Variants in SYN3 observed in about 807,000 individuals in gnomAD.
SYN3 encodes synapsin-3.
A neutral mutation model predicts 65.8 loss-of-function variants in SYN3; 35 were observed. That is an observed-to-expected ratio of 0.53 (90% CI 0.41 to 0.70). SYN3 has a LOEUF of 0.70. Among genes scored for constraint, SYN3 ranks in the 30% least tolerant of loss-of-function variants. The pLI is 0.00. For synonymous variants in SYN3, 270 were observed against 292.9 expected, an observed-to-expected ratio of 0.92 and a Z score of 0.80; for missense variants, 680 against 749.0, an observed-to-expected ratio of 0.91 and a Z score of 1.08.
chr22:32,710,096 CACAT>C (rs1398574899), intron 6 of SYN3, among the ~76,000 whole-genome samples: 24 of 86,030 alleles, frequency 2.8e-4, no homozygotes, highest in East Asian at 6.1e-4. Context: ...CACACACACA[CACAT>C]GTGTGTGTGT....
In SYN3 at chr22:32,801,982, C is replaced by T. The variant is rs752554384; in HGVS notation, c.711+62933G>A. ...TTGGAGAGGCGAGCAGCAGCCCCGG[C>T]AGCGGCGGCAGCAGCGGCAATGACC... On this transcript the variant is annotated intron_variant, in intron 6 of 13. Coordinates refer to ENST00000358763, the MANE Select transcript of SYN3 (RefSeq NM_003490.4). The surrounding 1 kb of genome is among the most constrained non-coding windows in gnomAD (Gnocchi z 4.7). 1.9e-6 allele frequency: 3 copies of T among 1,581,140 alleles called. No homozygotes were observed. The African/African-American group carries it at 4.0e-5, about 21-fold the overall frequency.
chr22:32,973,852 G>T (rs753529202), intron 3 of SYN3, among the ~76,000 whole-genome samples: 1 of 152,182 alleles, frequency 6.6e-6, no homozygotes, highest in Non-Finnish European at 1.5e-5. Context: ...CAGGCTGGAC[G>T]ATCTTCGCCC....
chr22:32,820,294 TGTG>T (rs1411147732), intron 6 of SYN3, among the ~76,000 whole-genome samples: 1 of 151,164 alleles, frequency 6.6e-6, no homozygotes, highest in Non-Finnish European at 1.5e-5. Context: ...GTGTGGTGTG[TGTG>T]GTGTGTGTTC....
At chr22:32,933,404 G>T (rs901014942) in intron 3 of SYN3, among the ~76,000 whole-genome samples, 1 of 152,074 alleles carries the variant, frequency 6.6e-6, no homozygotes, top group African/African-American at 2.4e-5. Flanking sequence ...AAACCCAGGC[G>T]GTGTGGCACC....
intron 3 of SYN3, among the ~76,000 whole-genome samples, chr22:32,966,963 G>T (rs756729185): frequency 3.9e-5 from 6 of 152,164 alleles, no homozygotes; most frequent in Non-Finnish European, 7.4e-5. Flanking sequence ...AGATTCTTCA[G>T]TTAAACTGAC....
intron 2 of SYN3, among the ~76,000 whole-genome samples, chr22:32,989,128 C>T (rs758695428): frequency 4.6e-5 from 7 of 152,322 alleles, no homozygotes; most frequent in Non-Finnish European, 7.3e-5. Context: ...TAAGGAAGTG[C>T]GTGAGCACCA....
intron 3 of SYN3, among the ~76,000 whole-genome samples, chr22:32,958,908 C>A (rs2146873092): frequency 6.6e-6 from 1 of 152,226 alleles, no homozygotes; most frequent in African/African-American, 2.4e-5. Flanking sequence ...GGAATTACTT[C>A]TCGGAGGGGC....
chr22:32,917,999 C>G (rs980245709), intron 4 of SYN3, among the ~76,000 whole-genome samples: 2 of 152,242 alleles, frequency 1.3e-5, no homozygotes, highest in Non-Finnish European at 2.9e-5. Flanking sequence ...CTGGACGACC[C>G]TAAGTGCCTG....
intron 2 of SYN3, among the ~76,000 whole-genome samples, chr22:32,993,167 G>C (rs1460752031): frequency 2.0e-5 from 3 of 151,862 alleles, no homozygotes; most frequent in Admixed American, 1.3e-4. Context: ...AGGGATCCAG[G>C]GACCCAATGG....
At chr22:32,749,998 G>C (rs2045065542) in intron 6 of SYN3, among the ~76,000 whole-genome samples, 1 of 152,156 alleles carries the variant, frequency 6.6e-6, no homozygotes, top group Non-Finnish European at 1.5e-5. Flanking sequence ...GATTGAAGGA[G>C]GGTAGACGTA....
At chr22:32,943,901 T>C (rs540559691) in intron 3 of SYN3, among the ~76,000 whole-genome samples, 63 of 152,272 alleles carry the variant, frequency 4.1e-4, no homozygotes, top group Non-Finnish European at 7.3e-4. Context: ...GAGCTAACTA[T>C]CCTAAATATA....
chr22:32,730,429 T>G (rs1431339945), intron 6 of SYN3, among the ~76,000 whole-genome samples: 1 of 152,226 alleles, frequency 6.6e-6, no homozygotes, highest in East Asian at 1.9e-4. Context: ...ATCTTCCCAT[T>G]TCAGCTGATT....
At chr22:32,689,716 G>A (rs113284938) in intron 6 of SYN3, among the ~76,000 whole-genome samples, 4 of 152,304 alleles carry the variant, frequency 2.6e-5, no homozygotes, top group African/African-American at 9.6e-5. Flanking sequence ...CGAGGAGAGA[G>A]CTGGATTGTC....
chr22:32,857,307 A>C, intron 6 of SYN3: 1 of 1,614,094 alleles, frequency 6.2e-7, no homozygotes, highest in South Asian at 1.1e-5. Flanking sequence ...GAAGCTTCCG[A>C]GAGTCTCTGT....
intron 13 of SYN3, among the ~76,000 whole-genome samples, chr22:32,516,861 C>A (rs962204606): frequency 1.3e-5 from 2 of 152,034 alleles, no homozygotes; most frequent in Non-Finnish European, 2.9e-5. Context: ...TTATTAACTC[C>A]TAAGCTTGTG....
At chr22:32,740,986 T>A (rs1467094303) in intron 6 of SYN3, among the ~76,000 whole-genome samples, 1 of 152,104 alleles carries the variant, frequency 6.6e-6, no homozygotes, top group Non-Finnish European at 1.5e-5. Context: ...AAAAGAAGGT[T>A]TGAGGCACAG....
At chr22:32,659,966 C>T (rs895963207) in intron 6 of SYN3, among the ~76,000 whole-genome samples, 6 of 152,128 alleles carry the variant, frequency 3.9e-5, no homozygotes, top group East Asian at 1.9e-4. Flanking sequence ...TCTTTACTTC[C>T]GAGAGTCTAA....
At chr22:32,892,844 A>G (rs1325931917) in intron 4 of SYN3, among the ~76,000 whole-genome samples, 10 of 152,136 alleles carry the variant, frequency 6.6e-5, no homozygotes, top group Admixed American at 4.6e-4. Context: ...GGGGGAAGCT[A>G]CCTATTTCTG....
chr22:32,708,676 G>A (rs1055694847), intron 6 of SYN3, among the ~76,000 whole-genome samples: 2 of 152,172 alleles, frequency 1.3e-5, no homozygotes, highest in South Asian at 2.1e-4. Context: ...GAACTCTGGG[G>A]TCCCCTCTGG....
Sources: gnomAD v4.1 joint callset for allele counts (sites outside exome capture counted in the v4.1 genomes callset) on GRCh38, gnomAD v4.1.1 for gene constraint, Gnocchi (gnomAD v3.1) non-coding constraint, MANE v1.5 for transcripts, NCBI Gene and HGNC (gene_info 2026-07-23, HGNC 2026-07-21) for gene names.